Variants in SLC30A8 observed in about 807,000 individuals in gnomAD.
The protein encoded by SLC30A8 is proton-coupled zinc antiporter SLC30A8.
Under a neutral mutation model 36.9 loss-of-function variants are expected in SLC30A8, and 27 were observed. The observed-to-expected ratio is 0.73, with a 90% CI of 0.54 to 1.01. The LOEUF (loss-of-function observed/expected upper bound fraction) is 1.01, where lower values mean the gene tolerates loss of function less well. Ranked by LOEUF, SLC30A8 falls within the 50% of genes least tolerant of loss-of-function variation. SLC30A8 has a pLI of 0.00. For missense variants in SLC30A8, 439 were observed against 452.0 expected (o/e 0.97, Z 0.26); for synonymous variants, 164 against 172.4 (o/e 0.95, Z 0.38).
At chr8:116,993,226 A>G (rs561195226) in intron 1 of SLC30A8, among the ~76,000 whole-genome samples, 2 of 151,298 alleles carry the variant, frequency 1.3e-5, no homozygotes, top group African/African-American at 4.9e-5. Flanking sequence ...CAGAGTTTGG[A>G]GTTGGGATCC....
chr8:117,147,011 G>C lies in SLC30A8; in HGVS notation c.129G>C (p.Glu43Asp), dbSNP rs1821929824. ...ATCAGTGTCCCAGAGAGAGACCAGA[G>C]GAGCTGGAGTCAGGAGGCATGTACC... The part of the protein sequence containing the change: ...NKDQCPRERP[E>D]ELESGGMYHC... The change falls in exon 2 of 8, where the codon GAG becomes GAC. Residue 43 changes from glutamate (E) to aspartate (D), a missense_variant. Glu to Asp is a conservative substitution (Grantham distance 45). Coordinates refer to ENST00000456015, the MANE Select transcript of SLC30A8 (RefSeq NM_173851.3). The C allele has an allele frequency of 6.2e-7, 1 of 1,614,054 alleles. No homozygotes were observed. Among genetic ancestry groups the C allele is most frequent in the Non-Finnish European group, 8.5e-7 (1 of 1,179,938 alleles).
At chr8:116,968,155 T>A (rs1376826625) in intron 1 of SLC30A8, among the ~76,000 whole-genome samples, 1 of 152,158 alleles carries the variant, frequency 6.6e-6, no homozygotes, top group Non-Finnish European at 1.5e-5. Context: ...TTTGATAATT[T>A]GTTTCAACTC....
chr8:116,957,635 G>T (rs1814263022), intron 1 of SLC30A8, among the ~76,000 whole-genome samples: 2 of 152,114 alleles, frequency 1.3e-5, no homozygotes, highest in Admixed American at 6.5e-5. Flanking sequence ...TCAACATGAT[G>T]CCCCGAGAAA....
intron 1 of SLC30A8, among the ~76,000 whole-genome samples, chr8:117,024,319 T>G (rs1816803137): frequency 6.6e-6 from 1 of 152,266 alleles, no homozygotes. Flanking sequence ...TTTTGGAGTT[T>G]CGGCTAATTC....
At chr8:117,010,088 C>A (rs946710435) in intron 1 of SLC30A8, among the ~76,000 whole-genome samples, 4 of 152,088 alleles carry the variant, frequency 2.6e-5, no homozygotes, top group Admixed American at 2.6e-4. Context: ...AGCCTAGGGA[C>A]AGCACATGTA....
intron 2 of SLC30A8, among the ~76,000 whole-genome samples, chr8:117,059,018 G>A (rs997165674): frequency 1.3e-4 from 18 of 140,152 alleles, no homozygotes; most frequent in Non-Finnish European, 2.4e-4. Flanking sequence ...TTCACAAAAT[G>A]TGTGACAGAA....
intron 2 of SLC30A8, among the ~76,000 whole-genome samples, chr8:117,119,535 C>T (rs372575173): frequency 6.6e-6 from 1 of 151,912 alleles, no homozygotes; most frequent in Non-Finnish European, 1.5e-5. Flanking sequence ...TACGTGATCA[C>T]CCCTTCAGTC....
At chr8:117,091,615 A>T (rs531113834) in intron 2 of SLC30A8, among the ~76,000 whole-genome samples, 6 of 152,128 alleles carry the variant, frequency 3.9e-5, no homozygotes, top group Non-Finnish European at 8.8e-5. Flanking sequence ...AATGGTCAGG[A>T]TCTTTGTTTG....
intron 2 of SLC30A8, among the ~76,000 whole-genome samples, chr8:117,098,295 T>C (rs1819551624): frequency 6.6e-6 from 1 of 151,828 alleles, no homozygotes; most frequent in Non-Finnish European, 1.5e-5. Flanking sequence ...ATCATACATA[T>C]AAGGCCAAAG....
rs183085672 is a variant in SLC30A8, at chr8:117,041,770, C to T, written c.-226+2512C>T. Among the ~76,000 whole-genome samples, 265 of 152,270 alleles carry T rather than the reference C, an allele frequency of 1.7e-3. 1 individual carries two copies. The highest frequency in any genetic ancestry group is 6.2e-3 in the African/African-American group (258 of 41,556). ...AACATTTTGAGCAAAGGACTTGACA[C>T]ATTGATTGCTTTAGGTCCTAGGTCT... On this transcript the variant is annotated intron_variant, in intron 2 of 10. Transcript: ENST00000427715.
chr8:117,166,660 A>G (rs1345556663), intron 6 of SLC30A8, among the ~76,000 whole-genome samples: 1 of 152,022 alleles, frequency 6.6e-6, no homozygotes, highest in Non-Finnish European at 1.5e-5. Flanking sequence ...CACTGAAGGG[A>G]TTCCCACATG....
chr8:117,118,628 G>A (rs1021621179), intron 2 of SLC30A8, among the ~76,000 whole-genome samples: 4 of 151,776 alleles, frequency 2.6e-5, no homozygotes, highest in Admixed American at 1.3e-4. Flanking sequence ...GCAGCCTAAT[G>A]TATATTTGGT....
chr8:117,001,805 GCTA>G lies in SLC30A8; in HGVS notation c.-265-37410_-265-37408del, dbSNP rs1816019385. Among the ~76,000 whole-genome samples, 9 of 152,198 alleles carry G rather than the reference GCTA, an allele frequency of 5.9e-5. No homozygotes were observed. In the South Asian group the frequency reaches 1.9e-3, roughly 32 times the overall value. ...CCATAGAAACCATAATATCATATTAGCTACTATTCAGCAGTCACCTATTGTATT... is the reference window on the plus strand; with the variant it reads ...CCATAGAAACCATAATATCATATTAGCTATTCAGCAGTCACCTATTGTATT... On this transcript the variant is annotated intron_variant, in intron 1 of 10. Transcript: ENST00000427715.
intron 2 of SLC30A8, among the ~76,000 whole-genome samples, chr8:117,113,089 T>A (rs1473526792): frequency 6.6e-6 from 1 of 152,134 alleles, no homozygotes; most frequent in Non-Finnish European, 1.5e-5. Context: ...CTACTCAAAT[T>A]GTGGTGAGGG....
At chr8:117,090,471 G>C (rs1449576441) in intron 2 of SLC30A8, among the ~76,000 whole-genome samples, 1 of 152,194 alleles carries the variant, frequency 6.6e-6, no homozygotes, top group African/African-American at 2.4e-5. Context: ...CAGTTCTGGA[G>C]ACTGAAAGTC....
exon 2 of SLC30A8, chr8:117,039,236 C>T (rs144888478): frequency 6.6e-6 from 1 of 152,298 alleles, no homozygotes; most frequent in African/African-American, 2.4e-5. Context: ...GACGTGTTTT[C>T]TTGACAACAG....
chr8:117,163,346 G>T, intron 5 of SLC30A8, 79 bp from the exon 6 acceptor site: 2 of 1,103,580 alleles, frequency 1.8e-6, no homozygotes, highest in South Asian at 1.4e-5. Context: ...ACACAGGGAG[G>T]TTTACTTATT....
intron 1 of SLC30A8, among the ~76,000 whole-genome samples, chr8:117,135,723 T>C (rs973048740): frequency 2.6e-5 from 4 of 151,920 alleles, no homozygotes; most frequent in African/African-American, 9.7e-5. Context: ...AGATAGATAG[T>C]AAATTTTATT....
At position 117,140,978 on chromosome 8, in the gene SLC30A8, C is replaced by T. The variant is rs750371478; in HGVS notation, c.71+5580C>T. ...AGAAAGACACCGACTACCATATGAACTTAAGAAGAAATAGAAAATCTGATA... is the reference window on the plus strand; with the variant it reads ...AGAAAGACACCGACTACCATATGAATTTAAGAAGAAATAGAAAATCTGATA... On this transcript the variant is annotated intron_variant, in intron 1 of 7. Coordinates refer to ENST00000456015, the MANE Select transcript of SLC30A8 (RefSeq NM_173851.3). Among the ~76,000 whole-genome samples the T allele has an allele frequency of 7.3e-4, 111 of 152,064 alleles. No homozygotes were observed. In the Middle Eastern group the frequency reaches 0.024, roughly 33 times the overall value.
Sources: allele counts gnomAD v4.1 joint callset (sites outside exome capture counted in the v4.1 genomes callset), GRCh38; gene constraint gnomAD v4.1.1; transcripts MANE v1.5; gene names NCBI Gene and HGNC (gene_info 2026-07-23, HGNC 2026-07-21).